Variants in PARD3B observed in about 807,000 individuals in gnomAD.
The protein encoded by PARD3B is par-3 family cell polarity regulator beta.
In PARD3B, 103 loss-of-function variants were observed where a neutral mutation model predicts 130.2. That is an observed-to-expected ratio of 0.79 (90% CI 0.67 to 0.93). The LOEUF (loss-of-function observed/expected upper bound fraction) is 0.93. Among genes scored for constraint, PARD3B ranks in the 40% least tolerant of loss-of-function variants. The pLI, the probability that PARD3B is intolerant of heterozygous loss-of-function variation, is 0.00. For synonymous variants in PARD3B, 583 were observed against 553.2 expected (o/e 1.05, Z -0.76); for missense variants, 1,609 against 1,499.2 (o/e 1.07, Z -1.21).
At position 205,309,360 on chromosome 2, in the gene PARD3B, G is replaced by A. The variant is rs114158398; in HGVS notation, c.2630+7659G>A. Among the ~76,000 whole-genome samples the A allele has an allele frequency of 1.4e-3, 208 of 152,260 alleles. No homozygotes were observed. Among genetic ancestry groups the A allele is most frequent in the Admixed American group, 2.4e-3 (37 of 15,292 alleles). On this transcript the variant is annotated intron_variant, in intron 18 of 22. Coordinates refer to ENST00000406610, the MANE Select transcript of PARD3B (RefSeq NM_001302769.2). This position sits in a 1 kb window ranked among gnomAD's most constrained non-coding sequence, Gnocchi z 4.7. ...AGATAGACTAGTTCGGTTACATAGT[G>A]GAGCATCAGACAAAGCTAAATCATG...
chr2:205,223,955 C>G (rs2038378358), intron 15 of PARD3B, among the ~76,000 whole-genome samples: 1 of 151,792 alleles, frequency 6.6e-6, no homozygotes, highest in African/African-American at 2.4e-5. Context: ...TTTAGTCATT[C>G]CGGAGGCTGA....
intron 16 of PARD3B, among the ~76,000 whole-genome samples, chr2:205,290,496 G>A (rs769150419): frequency 2.6e-5 from 4 of 152,112 alleles, no homozygotes; most frequent in Non-Finnish European, 4.4e-5. Context: ...ATTGAAAGAA[G>A]GTTGAGTGTT....
intron 21 of PARD3B, among the ~76,000 whole-genome samples, chr2:205,504,892 A>G (rs1242837282): frequency 3.3e-5 from 5 of 152,224 alleles, no homozygotes; most frequent in African/African-American, 4.8e-5. Context: ...ATTACTGGGT[A>G]TATACCCAAA....
chr2:204,840,698 T>G (rs2044228876), intron 2 of PARD3B, among the ~76,000 whole-genome samples: 1 of 152,160 alleles, frequency 6.6e-6, no homozygotes, highest in South Asian at 2.1e-4. Context: ...GGTAGTGTCA[T>G]CCAGGGTTTC....
At chr2:204,882,275 C>A (rs2046084688) in intron 2 of PARD3B, among the ~76,000 whole-genome samples, 1 of 152,108 alleles carries the variant, frequency 6.6e-6, no homozygotes, top group African/African-American at 2.4e-5. Flanking sequence ...TGTTGCTGGG[C>A]AATATTTGAG....
chr2:205,158,729 A>C lies in PARD3B; in HGVS notation c.1442A>C (p.Glu481Ala). Residue 481 changes from glutamate to alanine, a missense_variant, in exon 11 of 23, where the codon GAA becomes GCA. Physicochemically the swap from Glu to Ala is moderately radical, Grantham distance 107 (BLOSUM62 -1). Coordinates refer to ENST00000406610, the MANE Select transcript of PARD3B (RefSeq NM_001302769.2). The surrounding 1 kb of genome is among the most constrained non-coding windows in gnomAD (Gnocchi z 5.4). ...TGTGTATTCCCCTAACAGAAAGGAG[A>C]ACCTGACTGCTGTGCACTCTCTCTG... ...GHFLPRELKGEPDCCALSLET... is the reference protein window; with the variant it reads ...GHFLPRELKGAPDCCALSLET... 6.2e-7 allele frequency: 1 copy of C among 1,610,266 alleles called. No homozygotes were observed. The highest frequency in any genetic ancestry group is 1.7e-5 in the Admixed American group (1 of 58,732).
intron 19 of PARD3B, among the ~76,000 whole-genome samples, chr2:205,428,191 T>A (rs1191342221): frequency 1.3e-5 from 2 of 152,124 alleles, no homozygotes; most frequent in Admixed American, 6.5e-5. Flanking sequence ...GAGACCATCC[T>A]GGCCAACATG....
chr2:204,933,497 CAGTT>C (rs1688178721), intron 2 of PARD3B, among the ~76,000 whole-genome samples: 1 of 152,076 alleles, frequency 6.6e-6, no homozygotes, highest in Non-Finnish European at 1.5e-5. Flanking sequence ...AACATATTAA[CAGTT>C]ATTTTCACTT....
chr2:205,146,303 A>C lies in PARD3B; in HGVS notation c.1435-12419A>C, dbSNP rs1168654568. Among the ~76,000 whole-genome samples the C allele has an allele frequency of 6.6e-6, 1 of 152,166 alleles. No homozygotes were observed. The highest frequency in any genetic ancestry group is 1.5e-5 in the Non-Finnish European group (1 of 68,028). Reference sequence around the variant, plus strand: ...ATCTTCCTAAGGGCCCAGCTTCCCAAATGGGCTACTTCTCAGGATCAGGCC... The same window carrying C: ...ATCTTCCTAAGGGCCCAGCTTCCCACATGGGCTACTTCTCAGGATCAGGCC... On this transcript the variant is annotated intron_variant, in intron 10 of 22. Coordinates refer to ENST00000406610, the MANE Select transcript of PARD3B (RefSeq NM_001302769.2). This position sits in a 1 kb window ranked among gnomAD's most constrained non-coding sequence, Gnocchi z 4.3.
rs896380610 is a variant in PARD3B at position 205,514,579 on chromosome 2, A to G, written c.3180+14548A>G. ...CTTTTCTTGTTTATATCTACATATCAATACAGATAGATACATATGGATAGA... is the reference window on the plus strand; with the variant it reads ...CTTTTCTTGTTTATATCTACATATCGATACAGATAGATACATATGGATAGA... On this transcript the variant is annotated intron_variant, in intron 21 of 22. Transcript: ENST00000406610. Among the ~76,000 whole-genome samples the G allele has an allele frequency of 5.2e-5, 5 of 96,834 alleles. No homozygotes were observed. The Admixed American group carries it at 5.8e-4, about 11-fold the overall frequency. The allele number at this position is 96,834 out of a possible 152,430, so 63.5% of individuals were successfully genotyped here.
Position 205,229,081 on chromosome 2 carries a change from T to C in PARD3B, c.2141-16697T>C, listed in dbSNP as rs77005186. Among the ~76,000 whole-genome samples the C allele has an allele frequency of 1.9e-3, 288 of 152,380 alleles. 1 individual carries two copies. Among genetic ancestry groups the C allele is most frequent in the African/African-American group, 6.6e-3 (275 of 41,588 alleles). ...AATTCTGTATCTGAAAGGTCACTTA[T>C]GTCTGTCTCTCTGGGTTTGGGTCAC... On this transcript the variant is annotated intron_variant, in intron 15 of 22. Coordinates refer to ENST00000406610, the MANE Select transcript of PARD3B (RefSeq NM_001302769.2). This position sits in a 1 kb window ranked among gnomAD's most constrained non-coding sequence, Gnocchi z 5.2.
Position 205,300,427 on chromosome 2 carries a change from A to G in PARD3B, c.2186-103A>G. 1 of 1,095,582 alleles carries G rather than the reference A, an allele frequency of 9.1e-7. No homozygotes were observed. The highest frequency in any genetic ancestry group is 1.4e-5 in the South Asian group (1 of 70,742). 67.9% of individuals were successfully genotyped at this position (1,095,582 alleles called of 1,614,324 possible). ...TAACCCCAACTCCCACCCACTTAACACCCCTTTTTTGGGATGTCCAGACAG... is the reference window on the plus strand; with the variant it reads ...TAACCCCAACTCCCACCCACTTAACGCCCCTTTTTTGGGATGTCCAGACAG... On this transcript the variant is annotated intron_variant, in intron 16 of 22. Coordinates refer to ENST00000406610, the MANE Select transcript of PARD3B (RefSeq NM_001302769.2). This position sits in a 1 kb window ranked among gnomAD's most constrained non-coding sequence, Gnocchi z 4.1.
At position 205,615,964 on chromosome 2, in the gene PARD3B, C is replaced by A; in HGVS notation, c.*151C>A. ...GACATTGTAACGCATGACTGCTAAT[C>A]AGAGAGAAAAAGAAGGGGAAGGGAA... On this transcript the variant is annotated 3_prime_UTR_variant, in exon 23 of 23. Coordinates refer to ENST00000406610, the MANE Select transcript of PARD3B (RefSeq NM_001302769.2). 1.5e-6 allele frequency: 1 copy of A among 671,024 alleles called. No individual in the cohort carries two copies. Among genetic ancestry groups the A allele is most frequent in the Non-Finnish European group, 2.4e-6 (1 of 409,150 alleles). 41.6% of individuals were successfully genotyped at this position (671,024 alleles called of 1,614,324 possible).
At chr2:204,772,079 A>G (rs181118370) in intron 2 of PARD3B, among the ~76,000 whole-genome samples, 2 of 152,086 alleles carry the variant, frequency 1.3e-5, no homozygotes, top group Non-Finnish European at 2.9e-5. Flanking sequence ...TCTTCCTAAG[A>G]AGTTCATTTT....
Position 205,461,645 on chromosome 2 carries a change from G to A in PARD3B, c.3044+20973G>A, listed in dbSNP as rs538330228. On this transcript the variant is annotated intron_variant, in intron 20 of 22. Coordinates refer to ENST00000406610, the MANE Select transcript of PARD3B (RefSeq NM_001302769.2). The surrounding 1 kb of genome is among the most constrained non-coding windows in gnomAD (Gnocchi z 4.3). ...CCTTGGTCAACTTTTAGTGGTCCTAGATAATTGTTCTCAAATTTGAGCACG... is the reference window on the plus strand; with the variant it reads ...CCTTGGTCAACTTTTAGTGGTCCTAAATAATTGTTCTCAAATTTGAGCACG... 6.6e-6 allele frequency among the ~76,000 whole-genome samples: 1 copy of A among 152,284 alleles called. No individual in the cohort carries two copies. Among genetic ancestry groups the A allele is most frequent in the Admixed American group, 6.5e-5 (1 of 15,288 alleles).
chr2:205,136,941 A>G (rs1022151650), intron 10 of PARD3B, among the ~76,000 whole-genome samples: 3 of 152,188 alleles, frequency 2.0e-5, no homozygotes, highest in African/African-American at 7.2e-5. Context: ...TCAAATATTT[A>G]TTGAATGTTT....
intron 2 of PARD3B, among the ~76,000 whole-genome samples, chr2:204,848,059 G>A (rs911016852): frequency 1.3e-5 from 2 of 152,086 alleles, no homozygotes; most frequent in African/African-American, 4.8e-5. Flanking sequence ...GATATTTTGA[G>A]ACCACATTCA....
chr2:205,561,331 G>T (rs3732091), intron 22 of PARD3B, among the ~76,000 whole-genome samples: 1 of 151,946 alleles, frequency 6.6e-6, no homozygotes, highest in African/African-American at 2.4e-5. Flanking sequence ...AGTACTGGGC[G>T]TTGGCTGAAG....
intron 3 of PARD3B, among the ~76,000 whole-genome samples, chr2:205,019,592 C>T (rs1696442693): frequency 6.6e-6 from 1 of 152,178 alleles, no homozygotes; most frequent in Non-Finnish European, 1.5e-5. Context: ...CACCACTTTA[C>T]ATTCCCACCA....
Sources: gnomAD v4.1 joint callset for allele counts (sites outside exome capture counted in the v4.1 genomes callset) on GRCh38, gnomAD v4.1.1 for gene constraint, Gnocchi (gnomAD v3.1) non-coding constraint, MANE v1.5 for transcripts, NCBI Gene and HGNC (gene_info 2026-07-23, HGNC 2026-07-21) for gene names.